SEMA5A: variants seen among roughly 807,000 people sequenced by gnomAD.
The protein encoded by SEMA5A is semaphorin 5A, also known as semaphorin-5A.
In SEMA5A, 55 loss-of-function variants were observed where a neutral mutation model predicts 135.5. That is an observed-to-expected ratio of 0.41 (90% CI 0.33 to 0.51). SEMA5A has a LOEUF of 0.51. SEMA5A is among the 20% of genes least tolerant of loss of function. SEMA5A has a pLI of 0.37. For missense variants in SEMA5A, 1,290 were observed against 1,419.9 expected, an observed-to-expected ratio of 0.91 and a Z score of 1.47; for synonymous variants, 580 against 546.5, an observed-to-expected ratio of 1.06 and a Z score of -0.85.
chr5:9,250,978 A>G (rs544130589), intron 5 of SEMA5A, among the ~76,000 whole-genome samples: 1 of 152,304 alleles, frequency 6.6e-6, no homozygotes, highest in South Asian at 2.1e-4. Context: ...GTTGAAATTT[A>G]ATTGCTGTTG....
intron 1 of SEMA5A, among the ~76,000 whole-genome samples, chr5:9,466,280 T>G (rs561298764): frequency 6.6e-6 from 1 of 151,326 alleles, no homozygotes; most frequent in South Asian, 2.1e-4. Flanking sequence ...AATGACGAGT[T>G]ACTGGGTGCA....
At chr5:9,212,655 T>C (rs932919385) in intron 8 of SEMA5A, among the ~76,000 whole-genome samples, 25 of 152,250 alleles carry the variant, frequency 1.6e-4, no homozygotes, top group African/African-American at 5.8e-4. Context: ...AATTCTGATA[T>C]ATAATTAATA....
chr5:9,347,795 G>T (rs957048295), intron 3 of SEMA5A, among the ~76,000 whole-genome samples: 5 of 152,134 alleles, frequency 3.3e-5, no homozygotes, highest in African/African-American at 1.2e-4. Flanking sequence ...GTTTCTCTAA[G>T]CTAGATCGTC....
At chr5:9,405,342 C>G (rs1044092747) in intron 2 of SEMA5A, among the ~76,000 whole-genome samples, 1 of 152,202 alleles carries the variant, frequency 6.6e-6, no homozygotes, top group Non-Finnish European at 1.5e-5. Context: ...TGAATTCTAA[C>G]TTAGTCTAAA....
At chr5:9,111,655 T>C (rs1397690294) in intron 15 of SEMA5A, among the ~76,000 whole-genome samples, 3 of 152,098 alleles carry the variant, frequency 2.0e-5, no homozygotes, top group Admixed American at 1.3e-4. Context: ...CCCTCTGAAA[T>C]TGCAGCCTCC....
Position 9,150,029 on chromosome 5 carries a change from A to G in SEMA5A, c.1481+4459T>C, listed in dbSNP as rs151239559. Among the ~76,000 whole-genome samples the G allele has an allele frequency of 3.5e-3, 538 of 152,308 alleles. 2 individuals are homozygous for G. Among genetic ancestry groups the G allele is most frequent in the African/African-American group, 0.012 (519 of 41,562 alleles). On this transcript the variant is annotated intron_variant, in intron 12 of 22. Transcript: ENST00000382496. ...AAATTAATTTATTCATTGTAGAGAC[A>G]GGTCTCATCATGTTCCCCAAGCTAG...
intron 13 of SEMA5A, among the ~76,000 whole-genome samples, chr5:9,126,393 C>A (rs962402930): frequency 3.3e-5 from 5 of 152,064 alleles, no homozygotes; most frequent in African/African-American, 1.2e-4. Context: ...GAAGGTCAGA[C>A]CCTTGAGGCA....
chr5:9,346,349 C>T (rs1416582428), intron 3 of SEMA5A, among the ~76,000 whole-genome samples: 3 of 152,170 alleles, frequency 2.0e-5, no homozygotes, highest in Non-Finnish European at 4.4e-5. Context: ...TTTACCTCCA[C>T]ATTTACCACC....
chr5:9,212,161 C>T (rs571896063), intron 8 of SEMA5A, among the ~76,000 whole-genome samples: 1 of 152,352 alleles, frequency 6.6e-6, no homozygotes, highest in South Asian at 2.1e-4. Flanking sequence ...TCCTTCAAAA[C>T]TCACAAACTC....
At chr5:9,288,315 A>T (rs1750900797) in intron 5 of SEMA5A, among the ~76,000 whole-genome samples, 1 of 152,230 alleles carries the variant, frequency 6.6e-6, no homozygotes, top group Admixed American at 6.5e-5. Flanking sequence ...AGGGAGAGCC[A>T]GGTGGGTGTG....
chr5:9,080,569 A>G (rs2150102179), intron 16 of SEMA5A, among the ~76,000 whole-genome samples: 1 of 151,064 alleles, frequency 6.6e-6, no homozygotes. Flanking sequence ...TGAACTTAGG[A>G]TGAAACAATT....
chr5:9,515,562 C>T (rs530497474), intron 1 of SEMA5A, among the ~76,000 whole-genome samples: 2 of 152,122 alleles, frequency 1.3e-5, no homozygotes, highest in South Asian at 4.2e-4. Context: ...ATTTTAGACC[C>T]CATAAGAATG....
chr5:9,435,849 C>T (rs776806233), intron 2 of SEMA5A, among the ~76,000 whole-genome samples: 5 of 152,164 alleles, frequency 3.3e-5, no homozygotes, highest in Non-Finnish European at 5.9e-5. Context: ...TTTTAGAAAA[C>T]GTTCGCCAAT....
At chr5:9,513,068 A>AATATATATATATATATATAAT (rs56269546) in intron 1 of SEMA5A, among the ~76,000 whole-genome samples, 1 of 143,722 alleles carries the variant, frequency 7.0e-6, no homozygotes, top group Non-Finnish European at 1.5e-5. Context: ...ATATATATAT[A>AATATATATATATATATATAAT]ATATATATAT....
chr5:9,422,400 A>T (rs756505585), intron 2 of SEMA5A: 1 of 152,198 alleles, frequency 6.6e-6, no homozygotes, highest in Non-Finnish European at 1.5e-5. Context: ...GAGCCCAAAA[A>T]CTATCTCCAG....
At chr5:9,405,804 T>C (rs772673897) in intron 2 of SEMA5A, among the ~76,000 whole-genome samples, 14 of 152,198 alleles carry the variant, frequency 9.2e-5, no homozygotes, top group Non-Finnish European at 1.8e-4. Context: ...TACTCCATCA[T>C]TGAATTGGCC....
chr5:9,100,269 G>A (rs1458223943), intron 16 of SEMA5A, among the ~76,000 whole-genome samples: 2 of 152,188 alleles, frequency 1.3e-5, no homozygotes, highest in East Asian at 3.9e-4. Context: ...AAAGCCAGGT[G>A]TAGATGTGCT....
At chr5:9,224,177 G>T (rs1274638424) in intron 8 of SEMA5A, among the ~76,000 whole-genome samples, 1 of 152,150 alleles carries the variant, frequency 6.6e-6, no homozygotes, top group Non-Finnish European at 1.5e-5. Flanking sequence ...CCCTGAAGAT[G>T]CCTACTACTA....
intron 5 of SEMA5A, among the ~76,000 whole-genome samples, chr5:9,305,732 A>ACG (rs1554017513): frequency 1.2e-5 from 1 of 85,748 alleles, no homozygotes; most frequent in African/African-American, 4.7e-5. Flanking sequence ...ATATATTTAC[A>ACG]CGCACACACA....
Sources: gnomAD v4.1 joint callset for allele counts (sites outside exome capture counted in the v4.1 genomes callset) on GRCh38, gnomAD v4.1.1 for gene constraint, MANE v1.5 for transcripts, NCBI Gene and HGNC (gene_info 2026-07-23, HGNC 2026-07-21) for gene names.